Variants in RC3H1 observed in about 807,000 individuals in gnomAD.
The protein encoded by RC3H1 is ring finger and CCCH-type domains 1.
In RC3H1, 50 loss-of-function variants were observed where a neutral mutation model predicts 138.2. The ratio of observed to expected loss-of-function variants is 0.36; its 90% CI spans 0.29 to 0.46. The LOEUF (loss-of-function observed/expected upper bound fraction) is 0.46, where lower values mean the gene tolerates loss of function less well. RC3H1 is among the 20% of genes least tolerant of loss of function. RC3H1 has a pLI of 1.00. For missense variants in RC3H1, 1,031 were observed against 1,388.1 expected (o/e 0.74, Z 4.09); for synonymous variants, 462 against 489.1 (o/e 0.94, Z 0.73).
intron 1 of RC3H1, among the ~76,000 whole-genome samples, chr1:173,995,984 C>T (rs967501056): frequency 7.2e-5 from 11 of 152,200 alleles, no homozygotes; most frequent in Admixed American, 6.5e-4. Context: ...CTGGGTGTGG[C>T]GGCTCACGCC....
intron 18 of RC3H1, 95 bp downstream of exon 18, chr1:173,943,347 G>A: frequency 1.6e-6 from 2 of 1,239,622 alleles, no homozygotes; most frequent in East Asian, 2.4e-5. Flanking sequence ...TCATCAGAGT[G>A]CCTTGAAGTG....
chr1:173,964,193 G>A lies in RC3H1; in HGVS notation c.1617-6C>T. ...TCTTAGGAACAGATTCTAGCCTAAG[G>A]GAATAATATTATGGAAGTTGTTTAA... On this transcript the variant is annotated splice_region_variant and splice_polypyrimidine_tract_variant and intron_variant, in intron 10 of 19. Coordinates refer to ENST00000367696, the MANE Select transcript of RC3H1 (RefSeq NM_172071.4). The A allele has an allele frequency of 6.3e-7, 1 of 1,592,914 alleles. No homozygotes were observed. Among genetic ancestry groups the A allele is most frequent in the Non-Finnish European group, 8.6e-7 (1 of 1,160,920 alleles).
In RC3H1 at chr1:173,962,094, A is replaced by G; in HGVS notation, c.1833T>C (p.Gly611=). The change falls in exon 12 of 20, where the codon GGT becomes GGC. Residue 611 remains glycine (G), a splice_region_variant and synonymous_variant. Transcript: ENST00000367696. ...PPFEPAPYQQ[G]MYYTPPPQCV... is the part of the protein sequence containing the mutation. The stretch of plus-strand genomic sequence containing the variant: ...ATTGTGGTGGTGGAGTATAATACAT[A>G]CCTGCACAATACAAAAGAGGACCCA... 6.2e-7 allele frequency: 1 copy of G among 1,607,524 alleles called. No individual in the cohort carries two copies. Among genetic ancestry groups the G allele is most frequent in the Non-Finnish European group, 8.5e-7 (1 of 1,175,670 alleles).
At chr1:173,959,832 G>A (rs1028413359) in intron 13 of RC3H1, among the ~76,000 whole-genome samples, 9 of 151,970 alleles carry the variant, frequency 5.9e-5, no homozygotes, top group Non-Finnish European at 1.2e-4. Context: ...TAGGCCCGGC[G>A]TGGTGTCTCA....
At chr1:173,947,654 T>G in intron 14 of RC3H1, 72 bp from the exon 15 acceptor site, 1 of 1,130,640 alleles carries the variant, frequency 8.8e-7, no homozygotes, top group African/African-American at 1.5e-5. Context: ...TCTAGATCTG[T>G]AATAAGGTTA....
At chr1:174,017,783 CAAAAAAAAAAAAA>C (rs61239660) in intron 1 of RC3H1, among the ~76,000 whole-genome samples, 1 of 72,034 alleles carries the variant, frequency 1.4e-5, no homozygotes, top group African/African-American at 5.7e-5. Context: ...TTTTCTTGCT[CAAAAAAAAAAAAA>C]AAAAAAAAAA....
At chr1:174,008,238 T>C (rs946042340) in intron 1 of RC3H1, among the ~76,000 whole-genome samples, 3 of 152,220 alleles carry the variant, frequency 2.0e-5, no homozygotes, top group African/African-American at 7.2e-5. Flanking sequence ...AGCAATAACA[T>C]CAATATTTTT....
intron 1 of RC3H1, among the ~76,000 whole-genome samples, chr1:174,013,890 A>G (rs1466732832): frequency 1.3e-5 from 2 of 152,132 alleles, no homozygotes; most frequent in Admixed American, 1.3e-4. Context: ...ACCAATCTCT[A>G]TTTTAAACAA....
Position 173,946,478 on chromosome 1 carries a change from CT to C in RC3H1, c.2958del (p.Glu987ArgfsTer33). Reference protein sequence around the residue: ...QISQQTQLRGLEAVSNRLVLQ... With the variant: ...QISQQTQLRGXEAVSNRLVLQ... ...AAAATGGCTCTCTAGGCTGGTACCT[CT>C]AGTCCACGTAGCTGGGTCTGCTGGC... On this transcript the variant is annotated frameshift_variant, in exon 17 of 20. Transcript: ENST00000367696. LOFTEE classifies it high-confidence loss of function. The C allele has an allele frequency of 6.2e-7, 1 of 1,613,630 alleles. No homozygotes were observed. The highest frequency in any genetic ancestry group is 2.2e-5 in the East Asian group (1 of 44,888).
At chr1:173,949,790 C>G (rs1304706532) in intron 14 of RC3H1, among the ~76,000 whole-genome samples, 3 of 152,040 alleles carry the variant, frequency 2.0e-5, no homozygotes, top group African/African-American at 7.2e-5. Flanking sequence ...AAATGTCCAC[C>G]AATACAAAAA....
intron 2 of RC3H1, 48 bp from the exon 3 acceptor site, chr1:173,984,667 G>A (rs1660952104): frequency 4.4e-6 from 7 of 1,585,976 alleles, no homozygotes; most frequent in South Asian, 2.3e-5. Context: ...TTCATTAATT[G>A]TTTTATTTAG....
intron 11 of RC3H1, among the ~76,000 whole-genome samples, chr1:173,963,348 A>G (rs1445129077): frequency 6.6e-6 from 1 of 152,046 alleles, no homozygotes; most frequent in Admixed American, 6.6e-5. Flanking sequence ...CAAGTTCTCA[A>G]TGATCTCCCT....
chr1:174,005,237 C>T (rs1661632620), intron 1 of RC3H1, among the ~76,000 whole-genome samples: 1 of 152,088 alleles, frequency 6.6e-6, no homozygotes, highest in South Asian at 2.1e-4. Context: ...AGCTCAGATC[C>T]CTAAAACCAG....
intron 14 of RC3H1, among the ~76,000 whole-genome samples, chr1:173,950,354 G>A (rs971200014): frequency 1.3e-4 from 19 of 146,780 alleles, no homozygotes; most frequent in African/African-American, 4.7e-4. Flanking sequence ...CAGGAGAATC[G>A]CTTGAGCCCA....
intron 9 of RC3H1, among the ~76,000 whole-genome samples, chr1:173,965,644 A>G (rs988552968): frequency 3.9e-5 from 6 of 152,210 alleles, no homozygotes; most frequent in Non-Finnish European, 7.3e-5. Flanking sequence ...TATTTTTGCT[A>G]TAATATATTT....
intron 7 of RC3H1, among the ~76,000 whole-genome samples, chr1:173,976,061 G>C (rs1199169360): frequency 6.6e-6 from 1 of 151,962 alleles, no homozygotes; most frequent in Non-Finnish European, 1.5e-5. Flanking sequence ...AGATGAGAAA[G>C]CAGAGGATGC....
chr1:173,993,075 T>C lies in RC3H1; in HGVS notation c.-90A>G, dbSNP rs980607631. Reference sequence around the variant, plus strand: ...GAATCAAAATCTTTGAAAAAAAGTTTATCTTTTTTTTTTTTAAATATCTTC... The same window carrying C: ...GAATCAAAATCTTTGAAAAAAAGTTCATCTTTTTTTTTTTTAAATATCTTC... On this transcript the variant is annotated 5_prime_UTR_variant, in exon 2 of 20. It adds an upstream start codon to the 5' untranslated region. Transcript: ENST00000367696. 1.1e-6 allele frequency: 1 copy of C among 945,634 alleles called. No homozygotes were observed. Among genetic ancestry groups the C allele is most frequent in the Non-Finnish European group, 1.6e-6 (1 of 618,140 alleles). 58.6% of individuals were successfully genotyped at this position (945,634 alleles called of 1,614,324 possible). A position where few individuals can be genotyped will look rare whatever the true frequency, so the allele number is the denominator to read the frequency against.
At chr1:173,955,838 G>C (rs1011636786) in intron 13 of RC3H1, among the ~76,000 whole-genome samples, 2 of 152,058 alleles carry the variant, frequency 1.3e-5, no homozygotes, top group African/African-American at 4.8e-5. Flanking sequence ...TCAAAGAAAA[G>C]TTGGATGACT....
rs1047372751 is a variant in RC3H1 at position 173,931,215 on chromosome 1, T to G, written c.*7506A>C. On this transcript the variant is annotated 3_prime_UTR_variant, in exon 20 of 20. Transcript: ENST00000367696. ...ACACTCATTTACAAAATACACACGTTCCTCATTAATTTATCATTTAATATA... is the reference window on the plus strand; with the variant it reads ...ACACTCATTTACAAAATACACACGTGCCTCATTAATTTATCATTTAATATA... 3.3e-5 allele frequency: 5 copies of G among 152,208 alleles called. No homozygotes were observed. Among genetic ancestry groups the G allele is most frequent in the Non-Finnish European group, 2.9e-5 (2 of 68,038 alleles). The allele number at this position is 152,208 out of a possible 1,614,324, so 9.4% of individuals were successfully genotyped here. A position where few individuals can be genotyped will look rare whatever the true frequency, so the allele number is the denominator to read the frequency against.
Sources: gnomAD v4.1 joint callset for allele counts (sites outside exome capture counted in the v4.1 genomes callset) on GRCh38, gnomAD v4.1.1 for gene constraint, MANE v1.5 for transcripts, NCBI Gene and HGNC (gene_info 2026-07-23, HGNC 2026-07-21) for gene names.